Variants in FBXL4 observed in about 807,000 individuals in gnomAD.
FBXL4 encodes the protein F-box/LRR-repeat protein 4.
A neutral mutation model predicts 58.9 loss-of-function variants in FBXL4; 40 were observed. The ratio of observed to expected loss-of-function variants is 0.68; its 90% CI spans 0.53 to 0.88. FBXL4 has a LOEUF of 0.88. Among genes scored for constraint, FBXL4 ranks in the 40% least tolerant of loss-of-function variants. The pLI is 0.00. For missense variants in FBXL4, 676 were observed against 734.4 expected (o/e 0.92, Z 0.92); for synonymous variants, 263 against 265.5 (o/e 0.99, Z 0.09).
intron 7 of FBXL4, chr6:98,898,846 A>G (rs1366263595): frequency 1.0e-6 from 1 of 984,928 alleles, no homozygotes; most frequent in East Asian, 1.1e-4. Flanking sequence ...TTTAAATGAG[A>G]CTCATTAACT....
intron 7 of FBXL4, chr6:98,898,691 T>A: frequency 1.0e-6 from 1 of 984,964 alleles, no homozygotes; most frequent in Non-Finnish European, 1.2e-6. Flanking sequence ...TAAATGTTGA[T>A]CATTTGGAGA....
At chr6:98,884,376 TTAAA>T (rs1433110520) in intron 7 of FBXL4, among the ~76,000 whole-genome samples, 2 of 152,158 alleles carry the variant, frequency 1.3e-5, no homozygotes, top group Non-Finnish European at 2.9e-5. Context: ...AGACAGAAAC[TTAAA>T]TAACTTAATG....
intron 4 of FBXL4, among the ~76,000 whole-genome samples, chr6:98,920,828 A>ACC (rs1162603999): frequency 1.1e-4 from 17 of 150,502 alleles, no homozygotes; most frequent in African/African-American, 3.9e-4. Context: ...ATACACACAC[A>ACC]CACACACACA....
In FBXL4 at chr6:98,910,845, G is replaced by A. The variant is rs962540536; in HGVS notation, c.859-5175C>T. ...GTGGGCGCAGGACAGTGGGTGCAGC[G>A]CACCGTGCGCCAGCCGAAGCAGGGC... On this transcript the variant is annotated intron_variant, in intron 5 of 9. Coordinates refer to ENST00000369244, the MANE Select transcript of FBXL4 (RefSeq NM_001278716.2). 7.2e-5 allele frequency among the ~76,000 whole-genome samples: 11 copies of A among 152,256 alleles called. No homozygotes were observed. The East Asian group carries it at 7.8e-4, about 11-fold the overall frequency.
intron 7 of FBXL4, chr6:98,898,260 T>C (rs947112024): frequency 2.0e-5 from 20 of 980,928 alleles, no homozygotes; most frequent in Non-Finnish European, 2.3e-5. Flanking sequence ...ATTCAAGGAA[T>C]AGAAAGAAGG....
intron 8 of FBXL4, among the ~76,000 whole-genome samples, chr6:98,877,659 T>A: frequency 6.6e-6 from 1 of 152,192 alleles, no homozygotes; most frequent in East Asian, 1.9e-4. Context: ...ATTCATTATC[T>A]AATTTTAAAA....
Position 98,905,466 on chromosome 6 carries a change from T to G in FBXL4, c.1063A>C (p.Thr355Pro), listed in dbSNP as rs1430420016. 3 of 1,613,938 alleles carry G rather than the reference T, an allele frequency of 1.9e-6. No individual in the cohort carries two copies. The African/African-American group carries it at 4.0e-5, about 22-fold the overall frequency. The change falls in exon 6 of 10, where the codon ACT becomes CCT. Residue 355 changes from threonine to proline, a missense_variant. Thr to Pro is a conservative substitution (Grantham distance 38). Transcript: ENST00000369244. ...TLVQWLNLSW[T>P]GNRGFISVAG... Reference sequence around the variant, plus strand: ...ACAGAGATGAAGCCTCTATTGCCAGTCCAAGATAAATTAAGCCACTGGACA... The same window carrying G: ...ACAGAGATGAAGCCTCTATTGCCAGGCCAAGATAAATTAAGCCACTGGACA...
In FBXL4 at chr6:98,926,552, T is replaced by C. The variant is rs1237558829; in HGVS notation, c.437A>G (p.Tyr146Cys). Residue 146 changes from tyrosine (Y) to cysteine (C), a missense_variant, in exon 4 of 10, where the codon TAT becomes TGT. By Grantham distance (194) the Tyr-to-Cys change is radical (BLOSUM62 -2). Transcript: ENST00000369244. ...YPTAVHVLETYHPGAVIRILA... is the reference protein window; with the variant it reads ...YPTAVHVLETCHPGAVIRILA... ...AATTCTAATGACTGCTCCGGGATGA[T>C]AGGTTTCTAGAACATGTACAGCTGT... 7 of 1,614,138 alleles carry C rather than the reference T, an allele frequency of 4.3e-6. No homozygotes were observed. Among genetic ancestry groups the C allele is most frequent in the South Asian group, 3.3e-5 (3 of 91,078 alleles).
chr6:98,922,987 G>A (rs1433748517), intron 4 of FBXL4, among the ~76,000 whole-genome samples: 1 of 152,072 alleles, frequency 6.6e-6, no homozygotes, highest in African/African-American at 2.4e-5. Flanking sequence ...AGTTCTATGT[G>A]CCACCCTGCA....
intron 1 of FBXL4, among the ~76,000 whole-genome samples, chr6:98,944,378 C>G (rs1444310958): frequency 6.6e-6 from 1 of 152,142 alleles, no homozygotes; most frequent in Non-Finnish European, 1.5e-5. Flanking sequence ...AAAAGAGGAA[C>G]ATTTCAACAG....
chr6:98,900,086 T>C (rs1368220000), intron 6 of FBXL4, among the ~76,000 whole-genome samples: 2 of 152,202 alleles, frequency 1.3e-5, no homozygotes, highest in South Asian at 2.1e-4. Flanking sequence ...ACATAAAATA[T>C]ATAGAAATAA....
chr6:98,911,655 G>C (rs1053385634), intron 5 of FBXL4, among the ~76,000 whole-genome samples: 24 of 152,112 alleles, frequency 1.6e-4, no homozygotes, highest in Non-Finnish European at 3.1e-4. Context: ...AAACAGAAAG[G>C]CCATCCACCA....
At chr6:98,898,331 A>C in intron 7 of FBXL4, 1 of 985,478 alleles carries the variant, frequency 1.0e-6, no homozygotes, top group Non-Finnish European at 1.2e-6. Flanking sequence ...ACAGGGGCCC[A>C]GGTACATACT....
chr6:98,944,959 C>G (rs1365435864), intron 1 of FBXL4, among the ~76,000 whole-genome samples: 1 of 152,088 alleles, frequency 6.6e-6, no homozygotes, highest in South Asian at 2.1e-4. Flanking sequence ...ATATTTTCTG[C>G]CAGTTTCCAT....
intron 7 of FBXL4, among the ~76,000 whole-genome samples, chr6:98,895,727 A>G (rs1321929127): frequency 6.6e-6 from 1 of 152,198 alleles, no homozygotes. Flanking sequence ...GAATATATTC[A>G]GTAGCTTTTT....
At chr6:98,898,368 G>C in intron 7 of FBXL4, 1 of 985,382 alleles carries the variant, frequency 1.0e-6, no homozygotes, top group Non-Finnish European at 1.2e-6. Context: ...CCACCTCTAG[G>C]ACTCTATCCA....
intron 4 of FBXL4, among the ~76,000 whole-genome samples, chr6:98,923,657 T>C (rs557433435): frequency 1.8e-4 from 27 of 152,282 alleles, no homozygotes; most frequent in Non-Finnish European, 2.4e-4. Flanking sequence ...ATGTTCCTCA[T>C]GGTCCTCTTC....
At chr6:98,910,435 C>T (rs1471204191) in intron 5 of FBXL4, among the ~76,000 whole-genome samples, 2 of 152,090 alleles carry the variant, frequency 1.3e-5, no homozygotes, top group African/African-American at 2.4e-5. Flanking sequence ...GAGTGGATCA[C>T]GAGGTCAGGA....
chr6:98,912,117 GT>G (rs1274446843), intron 5 of FBXL4, among the ~76,000 whole-genome samples: 4 of 152,176 alleles, frequency 2.6e-5, no homozygotes, highest in Non-Finnish European at 5.9e-5. Flanking sequence ...GAGAAGGGAT[GT>G]TTAGAGAAAA....
Sources: allele counts gnomAD v4.1 joint callset (sites outside exome capture counted in the v4.1 genomes callset), GRCh38; gene constraint gnomAD v4.1.1; transcripts MANE v1.5; gene names NCBI Gene and HGNC (gene_info 2026-07-23, HGNC 2026-07-21).